CNTNAP5: variants seen among roughly 807,000 people sequenced by gnomAD.
The protein encoded by CNTNAP5 is contactin-associated protein-like 5.
Under a neutral mutation model 150.2 loss-of-function variants are expected in CNTNAP5, and 72 were observed. The ratio of observed to expected loss-of-function variants is 0.48; its 90% CI spans 0.40 to 0.58. The LOEUF is 0.58. CNTNAP5 is among the 20% of genes least tolerant of loss of function. CNTNAP5 has a pLI of 0.00. For synonymous variants in CNTNAP5, 672 were observed against 619.8 expected (o/e 1.08, Z -1.25); for missense variants, 1,636 against 1,626.2 (o/e 1.01, Z -0.10).
chr2:124,914,492 T>G lies in CNTNAP5; in HGVS notation c.*204T>G, dbSNP rs1045436169. On this transcript the variant is annotated 3_prime_UTR_variant, in exon 24 of 24. Transcript: ENST00000682447. ...CCATGGCCACTGCCTTCCTCTCTGA[T>G]GAACCTATCGGGTGAAAACGACCAC... is the stretch of plus-strand genomic sequence containing the variant. 8.9e-6 allele frequency: 5 copies of G among 560,038 alleles called. No homozygotes were observed. Among genetic ancestry groups the G allele is most frequent in the African/African-American group, 1.9e-5 (1 of 52,800 alleles). The allele number at this position is 560,038 out of a possible 1,614,324, so 34.7% of individuals were successfully genotyped here.
At position 124,790,107 on chromosome 2, in the gene CNTNAP5, C is replaced by T; in HGVS notation, c.2958C>T (p.Thr986=). Residue 986 remains threonine (T), a synonymous_variant, in exon 18 of 24, where the codon ACC becomes ACT. Coordinates refer to ENST00000682447, the MANE Select transcript of CNTNAP5 (RefSeq NM_001367498.1). The part of the protein sequence containing the change: ...EKHNGYLCDC[T]NSPYEGPFCK... ...ACAATGGCTACCTGTGTGATTGCAC[C>T]AATTCACCTTATGAAGGGCCCTTTT... 6.2e-7 allele frequency: 1 copy of T among 1,613,800 alleles called. No individual in the cohort carries two copies. Among genetic ancestry groups the T allele is most frequent in the Non-Finnish European group, 8.5e-7 (1 of 1,179,812 alleles).
intron 4 of CNTNAP5, among the ~76,000 whole-genome samples, chr2:124,419,970 C>CTCTCTCTCTCTT (rs139642632): frequency 1.8e-4 from 11 of 62,536 alleles, no homozygotes; most frequent in South Asian, 1.5e-3. Flanking sequence ...TTCTCTCTCT[C>CTCTCTCTCTCTT]TCTTTCTTTC....
At position 124,025,370 on chromosome 2, in the gene CNTNAP5, C is replaced by T. The variant is rs554952724; in HGVS notation, c.-281C>T. 6.4e-6 allele frequency: 3 copies of T among 468,312 alleles called. No homozygotes were observed. The highest frequency in any genetic ancestry group is 2.0e-5 in the African/African-American group (1 of 50,992). The allele number at this position is 468,312 out of a possible 1,614,324, so 29.0% of individuals were successfully genotyped here. ...GTCGTTCTAATTGGGTTTGGATTTG[C>T]ACCGTTAAGGAGGGGGGAAGAGAAG... On this transcript the variant is annotated 5_prime_UTR_variant, in exon 1 of 24. Transcript: ENST00000682447.
rs1388882643 is a variant in CNTNAP5 at position 124,426,075 on chromosome 2, T to C, written c.530-8409T>C. On this transcript the variant is annotated intron_variant, in intron 4 of 23. Coordinates refer to ENST00000682447, the MANE Select transcript of CNTNAP5 (RefSeq NM_001367498.1). ...AAAACAAAAAAAAACCTAAGCATTA[T>C]GAGAAGGCGAGTCTTACTGTTAGAG... 5.3e-5 allele frequency among the ~76,000 whole-genome samples: 8 copies of C among 152,332 alleles called. No individual in the cohort carries two copies. The South Asian group carries it at 1.0e-3, about 20-fold the overall frequency.
chr2:124,197,751 G>T (rs1558797028), intron 1 of CNTNAP5, among the ~76,000 whole-genome samples: 1 of 152,142 alleles, frequency 6.6e-6, no homozygotes, highest in Non-Finnish European at 1.5e-5. Context: ...GGAGCCTGAG[G>T]CGGGCGGATC....
intron 10 of CNTNAP5, among the ~76,000 whole-genome samples, chr2:124,559,305 A>G (rs1053850607): frequency 4.0e-5 from 6 of 151,770 alleles, no homozygotes; most frequent in Non-Finnish European, 8.8e-5. Context: ...TCTTTCTTTC[A>G]ATCCTTTATC....
At chr2:124,174,299 G>A (rs753205087) in intron 1 of CNTNAP5, among the ~76,000 whole-genome samples, 53 of 152,190 alleles carry the variant, frequency 3.5e-4, no homozygotes, top group Non-Finnish European at 6.5e-4. Flanking sequence ...TAAAAAATAC[G>A]TGTTGTAAGG....
chr2:124,658,274 A>G (rs942428722), intron 13 of CNTNAP5, among the ~76,000 whole-genome samples: 8 of 152,108 alleles, frequency 5.3e-5, no homozygotes, highest in Admixed American at 3.3e-4. Flanking sequence ...CAGCTTTGCC[A>G]TTGATTCTCT....
chr2:124,823,896 T>G (rs1046467053), intron 19 of CNTNAP5, among the ~76,000 whole-genome samples: 2 of 151,922 alleles, frequency 1.3e-5, no homozygotes, highest in African/African-American at 4.8e-5. Context: ...GGGCTGGCCA[T>G]GAGTGACAGT....
At chr2:124,567,033 A>G (rs1696039896) in intron 11 of CNTNAP5, among the ~76,000 whole-genome samples, 1 of 152,188 alleles carries the variant, frequency 6.6e-6, no homozygotes, top group African/African-American at 2.4e-5. Context: ...GGATTAATAA[A>G]TTATTTATAA....
intron 3 of CNTNAP5, among the ~76,000 whole-genome samples, chr2:124,409,950 A>G (rs1275299862): frequency 6.6e-6 from 1 of 150,760 alleles, no homozygotes; most frequent in African/African-American, 2.4e-5. Flanking sequence ...ATAAAGAGTC[A>G]AGAGCTGTAT....
intron 6 of CNTNAP5, among the ~76,000 whole-genome samples, chr2:124,468,422 C>A (rs141723570): frequency 6.6e-6 from 1 of 152,212 alleles, no homozygotes; most frequent in Non-Finnish European, 1.5e-5. Context: ...TATTCAAGAG[C>A]ATGAAGAATC....
At chr2:124,423,017 C>T (rs1465960191) in intron 4 of CNTNAP5, among the ~76,000 whole-genome samples, 2 of 152,104 alleles carry the variant, frequency 1.3e-5, no homozygotes, top group Admixed American at 6.6e-5. Flanking sequence ...ATTGCTAATC[C>T]TAAGGATTTT....
chr2:124,813,300 A>G (rs1260653978), intron 19 of CNTNAP5, among the ~76,000 whole-genome samples: 1 of 151,300 alleles, frequency 6.6e-6, no homozygotes. Context: ...GATGGTCTCG[A>G]TCTCCTGACC....
intron 1 of CNTNAP5, among the ~76,000 whole-genome samples, chr2:124,134,799 T>C (rs969143152): frequency 6.6e-6 from 1 of 152,188 alleles, no homozygotes; most frequent in African/African-American, 2.4e-5. Flanking sequence ...TCCCCAAGAC[T>C]CTATCCTCCC....
intron 1 of CNTNAP5, among the ~76,000 whole-genome samples, chr2:124,132,495 G>A (rs191341824): frequency 7.5e-4 from 114 of 152,126 alleles, no homozygotes; most frequent in Non-Finnish European, 9.7e-4. Context: ...TGATTTTATC[G>A]TTAGAATAAT....
chr2:124,775,825 C>A (rs1451230009), intron 17 of CNTNAP5, among the ~76,000 whole-genome samples: 1 of 152,134 alleles, frequency 6.6e-6, no homozygotes, highest in Non-Finnish European at 1.5e-5. Context: ...GGCATTCTCA[C>A]CTTTGGAATG....
chr2:124,623,222 T>C (rs1488976789), intron 12 of CNTNAP5, among the ~76,000 whole-genome samples: 3 of 152,150 alleles, frequency 2.0e-5, no homozygotes, highest in African/African-American at 7.2e-5. Flanking sequence ...TAATCTCATG[T>C]CCTTGTGGGA....
chr2:124,231,372 A>G (rs1295817968), intron 2 of CNTNAP5, among the ~76,000 whole-genome samples: 1 of 152,204 alleles, frequency 6.6e-6, no homozygotes, highest in Non-Finnish European at 1.5e-5. Context: ...ATGGAGAAAC[A>G]GAGTCAGAGA....
Sources: allele counts gnomAD v4.1 joint callset (sites outside exome capture counted in the v4.1 genomes callset), GRCh38; gene constraint gnomAD v4.1.1; transcripts MANE v1.5; gene names NCBI Gene and HGNC (gene_info 2026-07-23, HGNC 2026-07-21).